GRIP1: variants seen among roughly 807,000 people sequenced by gnomAD.
The protein encoded by GRIP1 is glutamate receptor interacting protein 1.
GRIP1 carries 45 observed loss-of-function variants against 129.9 expected under a neutral mutation model. That is an observed-to-expected ratio of 0.35 (90% CI 0.27 to 0.44). The LOEUF (loss-of-function observed/expected upper bound fraction) is 0.44. Among genes scored for constraint, GRIP1 ranks in the 20% least tolerant of loss-of-function variants. The pLI is 1.00. For missense variants in GRIP1, 1,196 were observed against 1,396.8 expected (o/e 0.86, Z 2.29); for synonymous variants, 530 against 520.8 (o/e 1.02, Z -0.24).
intron 4 of GRIP1, among the ~76,000 whole-genome samples, chr12:66,536,298 C>T (rs61928466): frequency 0.093 from 14,198 of 152,196 alleles, 826 homozygotes; most frequent in Non-Finnish European, 0.13. Flanking sequence ...CATCATGTCA[C>T]TCCTCTGCCC....
intron 1 of GRIP1, among the ~76,000 whole-genome samples, chr12:67,068,585 G>A (rs983626694): frequency 6.6e-6 from 1 of 151,940 alleles, no homozygotes; most frequent in African/African-American, 2.4e-5. Context: ...CAATGCCGTC[G>A]CAGCCCAGCC....
intron 9 of GRIP1, among the ~76,000 whole-genome samples, chr12:66,458,577 G>GT (rs1759539798): frequency 6.6e-6 from 1 of 152,120 alleles, no homozygotes; most frequent in African/African-American, 2.4e-5. Flanking sequence ...TAGAGATGGG[G>GT]TTTTGCCATG....
chr12:66,517,788 T>C (rs2060889905), intron 6 of GRIP1, 113 bp downstream of exon 6: 4 of 717,044 alleles, frequency 5.6e-6, no homozygotes, highest in Non-Finnish European at 1.0e-5. Context: ...TTGTAACATG[T>C]TTGCTTAATA....
At chr12:66,481,288 G>GATATGAAC (rs1292367610) in intron 7 of GRIP1, among the ~76,000 whole-genome samples, 2 of 148,132 alleles carry the variant, frequency 1.4e-5, no homozygotes, top group African/African-American at 4.9e-5. Flanking sequence ...GTGGGCAAAG[G>GATATGAAC]ATATGAACAG....
At chr12:66,864,250 A>G (rs2040162639) in intron 1 of GRIP1, among the ~76,000 whole-genome samples, 1 of 152,160 alleles carries the variant, frequency 6.6e-6, no homozygotes, top group African/African-American at 2.4e-5. Context: ...ATTTTTGAGT[A>G]CATGTCCTAT....
At chr12:66,394,847 A>AACAT (rs2056730613) in intron 16 of GRIP1, among the ~76,000 whole-genome samples, 1 of 152,250 alleles carries the variant, frequency 6.6e-6, no homozygotes. Context: ...TGGAACAAAT[A>AACAT]ACATATATAT....
chr12:66,467,095 A>G (rs1423230376), intron 7 of GRIP1, among the ~76,000 whole-genome samples: 2 of 152,204 alleles, frequency 1.3e-5, no homozygotes, highest in Non-Finnish European at 2.9e-5. Context: ...ACTGACTGGT[A>G]AGATTGAAAT....
intron 1 of GRIP1, among the ~76,000 whole-genome samples, chr12:66,599,335 C>A (rs1162284008): frequency 6.6e-6 from 1 of 152,124 alleles, no homozygotes; most frequent in African/African-American, 2.4e-5. Context: ...AGTGTAAAAG[C>A]AATAATTCCT....
intron 1 of GRIP1, among the ~76,000 whole-genome samples, chr12:67,054,471 C>T (rs1282988085): frequency 6.6e-6 from 1 of 151,948 alleles, no homozygotes; most frequent in Non-Finnish European, 1.5e-5. Context: ...AATAAAAACA[C>T]TACAGCTGGG....
At chr12:66,899,919 C>T (rs1174108998) in intron 1 of GRIP1, among the ~76,000 whole-genome samples, 2 of 151,894 alleles carry the variant, frequency 1.3e-5, no homozygotes, top group African/African-American at 4.8e-5. Flanking sequence ...ATGTGATTTT[C>T]AGGCAGGCAC....
upstream of GRIP1, among the ~76,000 whole-genome samples, chr12:66,681,898 G>A (rs1023634762): frequency 6.6e-6 from 1 of 152,130 alleles, no homozygotes; most frequent in African/African-American, 2.4e-5. Context: ...TAATACAAGT[G>A]TACCACGTTT....
chr12:66,715,483 A>T (rs900962088), intron 1 of GRIP1, among the ~76,000 whole-genome samples: 1,997 of 58,368 alleles, frequency 0.034, 31 homozygotes, highest in African/African-American at 0.098. Flanking sequence ...AGAGAGAGAG[A>T]GAGAGAGAGA....
chr12:66,943,643 G>T (rs1213650074), intron 1 of GRIP1, among the ~76,000 whole-genome samples: 6 of 152,154 alleles, frequency 3.9e-5, no homozygotes, highest in Non-Finnish European at 7.3e-5. Context: ...TACATTTACA[G>T]ATCATTCTGC....
intron 1 of GRIP1, among the ~76,000 whole-genome samples, chr12:66,974,634 G>A (rs1035263746): frequency 7.9e-5 from 12 of 152,156 alleles, no homozygotes; most frequent in Non-Finnish European, 1.0e-4. Flanking sequence ...AAAATAAAAC[G>A]CTCATTATAA....
chr12:66,646,233 T>C (rs576185730), intron 1 of GRIP1, among the ~76,000 whole-genome samples: 2 of 152,378 alleles, frequency 1.3e-5, no homozygotes, highest in East Asian at 3.9e-4. Flanking sequence ...TCTCCCTTTA[T>C]GTTTTATGTA....
intron 14 of GRIP1, among the ~76,000 whole-genome samples, chr12:66,421,504 C>T (rs2057801052): frequency 6.6e-6 from 1 of 152,052 alleles, no homozygotes; most frequent in African/African-American, 2.4e-5. Context: ...AGGATCACAC[C>T]ACTGCACTCT....
At chr12:66,858,608 C>T (rs985332945) in intron 1 of GRIP1, among the ~76,000 whole-genome samples, 2 of 151,786 alleles carry the variant, frequency 1.3e-5, no homozygotes, top group African/African-American at 4.8e-5. Context: ...TTTAAGTGGT[C>T]AAGAGTCCAC....
At chr12:66,979,408 T>C (rs12820997) in intron 1 of GRIP1, among the ~76,000 whole-genome samples, 85,989 of 151,240 alleles carry the variant, frequency 0.57, 25,089 homozygotes, top group Non-Finnish European at 0.62. Context: ...CTAGTTTATA[T>C]GGTAATAGCC....
At chr12:66,818,601 G>A (rs538381773) in intron 1 of GRIP1, among the ~76,000 whole-genome samples, 1 of 152,276 alleles carries the variant, frequency 6.6e-6, no homozygotes, top group East Asian at 1.9e-4. Flanking sequence ...ACTTTGGTAT[G>A]CAACAGAGTG....
Sources: allele counts gnomAD v4.1 joint callset (sites outside exome capture counted in the v4.1 genomes callset), GRCh38; gene constraint gnomAD v4.1.1; transcripts MANE v1.5; gene names NCBI Gene and HGNC (gene_info 2026-07-23, HGNC 2026-07-21).